Variants in SHISA6 observed in about 807,000 individuals in gnomAD.
The protein encoded by SHISA6 is shisa family member 6, also known as protein shisa-6.
A neutral mutation model predicts 47.9 loss-of-function variants in SHISA6; 22 were observed. That is an observed-to-expected ratio of 0.46 (90% CI 0.33 to 0.66). The LOEUF is 0.66. Among genes scored for constraint, SHISA6 ranks in the 30% least tolerant of loss-of-function variants. The pLI, the probability that SHISA6 is intolerant of heterozygous loss-of-function variation, is 0.02. For synonymous variants in SHISA6, 388 were observed against 337.8 expected, an observed-to-expected ratio of 1.15 and a Z score of -1.63; for missense variants, 680 against 764.6, an observed-to-expected ratio of 0.89 and a Z score of 1.30.
intron 2 of SHISA6, among the ~76,000 whole-genome samples, chr17:11,322,860 G>T (rs192946831): frequency 6.6e-6 from 1 of 152,290 alleles, no homozygotes; most frequent in East Asian, 1.9e-4. Flanking sequence ...TTGGGTGGGG[G>T]ATGGAAGAGT....
intron 3 of SHISA6, among the ~76,000 whole-genome samples, chr17:11,522,763 A>C (rs557116690): frequency 6.6e-6 from 1 of 152,234 alleles, no homozygotes; most frequent in African/African-American, 2.4e-5. Flanking sequence ...AGAAACCCAA[A>C]CCCATGACCA....
intron 2 of SHISA6, among the ~76,000 whole-genome samples, chr17:11,277,280 T>TCTCACACACACACA (rs1386997909): frequency 3.2e-4 from 17 of 53,930 alleles, no homozygotes; most frequent in Admixed American, 5.6e-4. Flanking sequence ...TCTCTCTCTC[T>TCTCACACACACACA]CACACACACA....
At chr17:11,341,878 G>C (rs1362249946) in intron 2 of SHISA6, among the ~76,000 whole-genome samples, 1 of 152,172 alleles carries the variant, frequency 6.6e-6, no homozygotes, top group Non-Finnish European at 1.5e-5. Flanking sequence ...TTTAGCTACT[G>C]ATTAATTTTA....
intron 1 of SHISA6, among the ~76,000 whole-genome samples, chr17:11,254,048 C>T (rs1907918262): frequency 6.6e-6 from 1 of 152,190 alleles, no homozygotes; most frequent in East Asian, 1.9e-4. Context: ...TGGTAGGAGG[C>T]CCTTAGCCAG....
At chr17:11,455,749 C>G (rs2142309464) in intron 3 of SHISA6, among the ~76,000 whole-genome samples, 1 of 152,274 alleles carries the variant, frequency 6.6e-6, no homozygotes, top group South Asian at 2.1e-4. Context: ...AAGGCGACAT[C>G]CTCACAGCAG....
chr17:11,519,281 A>G (rs1219691392), intron 3 of SHISA6, among the ~76,000 whole-genome samples: 1 of 152,236 alleles, frequency 6.6e-6, no homozygotes, highest in African/African-American at 2.4e-5. Flanking sequence ...AAGTGTGTCC[A>G]TCTCTACAAT....
intron 2 of SHISA6, among the ~76,000 whole-genome samples, chr17:11,338,132 G>A (rs1206674191): frequency 6.6e-6 from 1 of 152,176 alleles, no homozygotes; most frequent in Admixed American, 6.5e-5. Context: ...TGATTTGGAT[G>A]AGGTCTTTAG....
Position 11,522,522 on chromosome 17 carries a change from A to G in SHISA6, c.896-29374A>G, listed in dbSNP as rs73286877. Among the ~76,000 whole-genome samples, 868 of 152,256 alleles carry G rather than the reference A, an allele frequency of 5.7e-3. 6 individuals carry two copies. Among genetic ancestry groups the G allele is most frequent in the African/African-American group, 0.02 (813 of 41,550 alleles). ...GTCAGGCTGTTTCTGACTAATTAGG[A>G]TAGTCTAAGGGTGTGTGTTGGGGAT... On this transcript the variant is annotated intron_variant, in intron 3 of 5. Coordinates refer to ENST00000441885, the MANE Select transcript of SHISA6 (RefSeq NM_207386.4).
In SHISA6 at chr17:11,338,268, A is replaced by G. The variant is rs1468604377; in HGVS notation, c.800-41146A>G. Reference sequence around the variant, plus strand: ...TCTCTCCCCTCTACCCACTTACATAACAATTTGAGCTTCTAGCCCCAAAGT... The same window carrying G: ...TCTCTCCCCTCTACCCACTTACATAGCAATTTGAGCTTCTAGCCCCAAAGT... On this transcript the variant is annotated intron_variant, in intron 2 of 5. Coordinates refer to ENST00000441885, the MANE Select transcript of SHISA6 (RefSeq NM_207386.4). Among the ~76,000 whole-genome samples, 3 of 152,180 alleles carry G rather than the reference A, an allele frequency of 2.0e-5. No homozygotes were observed. The East Asian group carries it at 5.8e-4, about 29-fold the overall frequency.
chr17:11,534,147 T>C (rs1251088744), intron 3 of SHISA6, among the ~76,000 whole-genome samples: 2 of 102,804 alleles, frequency 1.9e-5, no homozygotes, highest in African/African-American at 8.4e-5. Context: ...GCCTTGCTAA[T>C]CTTTTTTTTC....
Position 11,559,810 on chromosome 17 carries a change from T to A in SHISA6, c.*1506T>A, listed in dbSNP as rs2072023527. The A allele has an allele frequency of 6.6e-6, 1 of 152,318 alleles. No individual in the cohort carries two copies. The highest frequency in any genetic ancestry group is 6.6e-5 in the Admixed American group (1 of 15,262). 9.4% of individuals were successfully genotyped at this position (152,318 alleles called of 1,614,324 possible). A position where few individuals can be genotyped will look rare whatever the true frequency, so the allele number is the denominator to read the frequency against. ...GCCTCCAGCCTGGGGGTTGGCATGGTGTGACGGCCTCCTGGGGAGGTGACA... is the reference window on the plus strand; with the variant it reads ...GCCTCCAGCCTGGGGGTTGGCATGGAGTGACGGCCTCCTGGGGAGGTGACA... On this transcript the variant is annotated 3_prime_UTR_variant, in exon 6 of 6. Transcript: ENST00000441885. The surrounding 1 kb of genome is among the most constrained non-coding windows in gnomAD (Gnocchi z 4.4).
intron 3 of SHISA6, among the ~76,000 whole-genome samples, chr17:11,501,408 A>G (rs1480359676): frequency 6.6e-6 from 1 of 152,070 alleles, no homozygotes; most frequent in Non-Finnish European, 1.5e-5. Flanking sequence ...CAAATTTTTA[A>G]AAGTATATAG....
At chr17:11,419,835 G>A (rs1914402677) in intron 3 of SHISA6, among the ~76,000 whole-genome samples, 1 of 152,132 alleles carries the variant, frequency 6.6e-6, no homozygotes, top group African/African-American at 2.4e-5. Context: ...ATCATATAGT[G>A]CTCTTCAAAT....
chr17:11,269,799 C>T (rs1446366750), intron 2 of SHISA6, among the ~76,000 whole-genome samples: 1 of 152,106 alleles, frequency 6.6e-6, no homozygotes, highest in Non-Finnish European at 1.5e-5. Context: ...AACTGAGGCA[C>T]ACAGGGGTCA....
Position 11,306,229 on chromosome 17 carries a change from C to T in SHISA6, c.799+42703C>T, listed in dbSNP as rs567747352. On this transcript the variant is annotated intron_variant, in intron 2 of 5. Coordinates refer to ENST00000441885, the MANE Select transcript of SHISA6 (RefSeq NM_207386.4). ...TCTCCTCTCATGAGGTCTGGATTCC[C>T]GATCCAGAGGTTGAAAAAGGAAAGT... 2.6e-5 allele frequency among the ~76,000 whole-genome samples: 4 copies of T among 152,260 alleles called. No individual in the cohort carries two copies. The South Asian group carries it at 6.2e-4, about 24-fold the overall frequency.
intron 3 of SHISA6, among the ~76,000 whole-genome samples, chr17:11,404,409 CTGTT>C (rs1430396774): frequency 1.3e-5 from 2 of 152,138 alleles, no homozygotes; most frequent in Non-Finnish European, 2.9e-5. Flanking sequence ...TATCCCAAGA[CTGTT>C]TGTCTAGACA....
At chr17:11,369,712 A>G (rs1450805112) in intron 2 of SHISA6, among the ~76,000 whole-genome samples, 1 of 152,146 alleles carries the variant, frequency 6.6e-6, no homozygotes, top group Non-Finnish European at 1.5e-5. Context: ...GGCTCTTTTC[A>G]GGGTTTGTCT....
At chr17:11,529,909 C>G (rs2071718000) in intron 3 of SHISA6, among the ~76,000 whole-genome samples, 1 of 152,036 alleles carries the variant, frequency 6.6e-6, no homozygotes, top group Non-Finnish European at 1.5e-5. Flanking sequence ...GTTCCCCTAT[C>G]AAACATAGAG....
intron 3 of SHISA6, among the ~76,000 whole-genome samples, chr17:11,535,918 A>C (rs2071783002): frequency 6.6e-6 from 1 of 152,036 alleles, no homozygotes; most frequent in Non-Finnish European, 1.5e-5. Flanking sequence ...GTGTGTGTGT[A>C]TATATCTATA....
Sources: allele counts gnomAD v4.1 joint callset (sites outside exome capture counted in the v4.1 genomes callset), GRCh38; gene constraint gnomAD v4.1.1; non-coding constraint Gnocchi (gnomAD v3.1); transcripts MANE v1.5; gene names NCBI Gene and HGNC (gene_info 2026-07-23, HGNC 2026-07-21).